The following TMPRSS11F variants were observed in gnomAD, a reference collection of about 807,000 sequenced individuals.
The protein encoded by TMPRSS11F is transmembrane serine protease 11F, also known as transmembrane protease serine 11F.
A neutral mutation model predicts 60.2 loss-of-function variants in TMPRSS11F; 47 were observed. The ratio of observed to expected loss-of-function variants is 0.78; its 90% CI spans 0.62 to 1.00. The LOEUF (loss-of-function observed/expected upper bound fraction) is 1.00. TMPRSS11F is among the 50% of genes least tolerant of loss of function. The pLI, the probability that TMPRSS11F is intolerant of heterozygous loss-of-function variation, is 0.00. For missense variants in TMPRSS11F, 519 were observed against 522.9 expected (o/e 0.99, Z 0.07); for synonymous variants, 166 against 167.3 (o/e 0.99, Z 0.06).
At chr4:68,065,582 G>A (rs1723309207) in intron 7 of TMPRSS11F, among the ~76,000 whole-genome samples, 1 of 151,946 alleles carries the variant, frequency 6.6e-6, no homozygotes, top group South Asian at 2.1e-4. Context: ...CTCCCACAAG[G>A]TTTATATCAC....
chr4:68,085,782 C>T (rs6811052), intron 3 of TMPRSS11F, among the ~76,000 whole-genome samples: 33,162 of 152,032 alleles, frequency 0.22, 4,055 homozygotes, highest in Admixed American at 0.37. Context: ...GAAGGAAAAA[C>T]AAGGCCATTA....
chr4:68,112,022 G>C (rs569484094), intron 1 of TMPRSS11F, among the ~76,000 whole-genome samples: 4 of 151,972 alleles, frequency 2.6e-5, no homozygotes, highest in Admixed American at 2.0e-4. Context: ...ACATTTCTCC[G>C]CAGCAATCCA....
chr4:68,079,345 T>G (rs1723648406), intron 3 of TMPRSS11F, among the ~76,000 whole-genome samples: 1 of 152,080 alleles, frequency 6.6e-6, no homozygotes, highest in East Asian at 1.9e-4. Flanking sequence ...TTTGACAACC[T>G]TGAATTAATT....
chr4:68,116,391 G>C (rs1310891419), intron 1 of TMPRSS11F, among the ~76,000 whole-genome samples: 1 of 151,970 alleles, frequency 6.6e-6, no homozygotes, highest in Non-Finnish European at 1.5e-5. Context: ...AGACTGAAAA[G>C]ATGAATATTG....
At chr4:68,057,251 C>A (rs1197761355) in intron 9 of TMPRSS11F, among the ~76,000 whole-genome samples, 1 of 147,260 alleles carries the variant, frequency 6.8e-6, no homozygotes, top group Non-Finnish European at 1.5e-5. Flanking sequence ...TACCACTGCA[C>A]TCCAGCCTGA....
intron 3 of TMPRSS11F, chr4:68,077,514 T>C (rs1034438763): frequency 2.0e-5 from 3 of 152,170 alleles, no homozygotes; most frequent in African/African-American, 7.2e-5. Context: ...TCACATAAAT[T>C]TGGGCCATCC....
intron 7 of TMPRSS11F, among the ~76,000 whole-genome samples, chr4:68,067,440 C>T (rs976404757): frequency 1.3e-5 from 2 of 152,190 alleles, no homozygotes; most frequent in African/African-American, 4.8e-5. Context: ...ATCGCCACAG[C>T]CTGTATTCTT....
chr4:68,098,875 C>A lies in TMPRSS11F; in HGVS notation c.163+12G>T, dbSNP rs374062874. 2.4e-5 allele frequency: 38 copies of A among 1,604,494 alleles called. No homozygotes were observed. Among genetic ancestry groups the A allele is most frequent in the Non-Finnish European group, 3.1e-5 (36 of 1,175,682 alleles). ...AGTACTTAGGCAATGGAACTGTGAC[C>A]TGGATACTTACCCTCAACAACAAAA... is the stretch of plus-strand genomic sequence containing the variant. On this transcript the variant is annotated intron_variant, in intron 2 of 9. Coordinates refer to ENST00000356291, the MANE Select transcript of TMPRSS11F (RefSeq NM_207407.2).
rs1723392149 is a variant in TMPRSS11F at position 68,068,938 on chromosome 4, T to A, written c.554-119A>T. On this transcript the variant is annotated intron_variant, in intron 6 of 9. Transcript: ENST00000356291. ...CTACCATGTGAACCATTCATAGCAC[T>A]CAGCCTTTGAGCTTATTTGATACAG... 5 of 1,007,972 alleles carry A rather than the reference T, an allele frequency of 5.0e-6. No homozygotes were observed. In the Admixed American group the frequency reaches 8.1e-5, roughly 16 times the overall value. 62.4% of individuals were successfully genotyped at this position (1,007,972 alleles called of 1,614,324 possible).
At chr4:68,093,200 C>T (rs72649608) in intron 2 of TMPRSS11F, among the ~76,000 whole-genome samples, 4,898 of 152,216 alleles carry the variant, frequency 0.032, 99 homozygotes, top group Non-Finnish European at 0.047. Context: ...TGTGTGAAAA[C>T]ACAAATCTAA....
chr4:68,053,902 A>G lies in TMPRSS11F; in HGVS notation c.*7T>C. The G allele has an allele frequency of 6.2e-7, 1 of 1,612,386 alleles. No individual in the cohort carries two copies. The highest frequency in any genetic ancestry group is 1.1e-5 in the South Asian group (1 of 90,934). ...GTGCCATGTGTATAACTCATGGGCA[A>G]TCCACACTACATACCAGTCTTTGAG... is the stretch of plus-strand genomic sequence containing the variant. On this transcript the variant is annotated 3_prime_UTR_variant, in exon 10 of 10. Coordinates refer to ENST00000356291, the MANE Select transcript of TMPRSS11F (RefSeq NM_207407.2).
intron 7 of TMPRSS11F, among the ~76,000 whole-genome samples, chr4:68,065,768 A>T (rs904929493): frequency 1.9e-4 from 3 of 15,604 alleles, no homozygotes; most frequent in African/African-American, 3.5e-4. Flanking sequence ...TAAATGTAAT[A>T]AAAAAAAAAA....
intron 9 of TMPRSS11F, among the ~76,000 whole-genome samples, chr4:68,056,444 C>CAAAAAAAAAAAAAAAAA: frequency 9.0e-6 from 1 of 111,600 alleles, no homozygotes; most frequent in Admixed American, 8.9e-5. Context: ...AAAAAAATAG[C>CAAAAAAAAAAAAAAAAA]AAAAAAAAAA....
rs1414114415 is a variant in TMPRSS11F at position 68,098,972 on chromosome 4, G to A, written c.78C>T (p.Asp26=). The A allele has an allele frequency of 6.2e-7, 1 of 1,613,244 alleles. No individual in the cohort carries two copies. Residue 26 remains aspartate, a synonymous_variant, in exon 2 of 10, where the codon GAC becomes GAT. Coordinates refer to ENST00000356291, the MANE Select transcript of TMPRSS11F (RefSeq NM_207407.2). The part of the protein sequence containing the change: ...AEYQRKQQFW[D]SVRLALFTLA... ...ATGTGAAAAGAGCTAGCCGTACTGA[G>A]TCCCAAAATTGCTGCTTTCTTTGAT...
intron 3 of TMPRSS11F, among the ~76,000 whole-genome samples, chr4:68,078,800 CACTT>C (rs1300038623): frequency 6.6e-6 from 1 of 152,120 alleles, no homozygotes; most frequent in Admixed American, 6.5e-5. Flanking sequence ...TGAGTCATGA[CACTT>C]ACAATTTCAC....
chr4:68,088,837 T>C (rs918445507), intron 3 of TMPRSS11F, among the ~76,000 whole-genome samples: 3 of 152,028 alleles, frequency 2.0e-5, no homozygotes, highest in Admixed American at 2.0e-4. Flanking sequence ...CCTAGGAATA[T>C]ATCTAATCGA....
chr4:68,091,998 C>A (rs187450407), intron 2 of TMPRSS11F, among the ~76,000 whole-genome samples: 2 of 151,992 alleles, frequency 1.3e-5, no homozygotes, highest in African/African-American at 4.8e-5. Context: ...GTTGTCCAGG[C>A]TGGTCTCGAA....
rs370264021 is a variant in TMPRSS11F at position 68,089,161 on chromosome 4, G to T, written c.282+1362C>A. ...ACATTACATGAACTTTTAGGGAAAT[G>T]ATTTTCGATTTAAAGTTGTGCATCC... On this transcript the variant is annotated intron_variant, in intron 3 of 9. Transcript: ENST00000356291. Among the ~76,000 whole-genome samples the T allele has an allele frequency of 3.7e-4, 56 of 152,210 alleles. No homozygotes were observed. In the East Asian group the frequency reaches 4.6e-3, roughly 13 times the overall value.
intron 8 of TMPRSS11F, among the ~76,000 whole-genome samples, chr4:68,064,177 T>C (rs931270260): frequency 6.6e-6 from 1 of 150,632 alleles, no homozygotes; most frequent in African/African-American, 2.5e-5. Flanking sequence ...CTTTCTTTCT[T>C]TTCTTTTTTT....
Sources: gnomAD v4.1 joint callset for allele counts (sites outside exome capture counted in the v4.1 genomes callset) on GRCh38, gnomAD v4.1.1 for gene constraint, MANE v1.5 for transcripts, NCBI Gene and HGNC (gene_info 2026-07-23, HGNC 2026-07-21) for gene names.